Variants in HYCC1 observed in about 807,000 individuals in gnomAD.
HYCC1 encodes hyccin PI4KA lipid kinase complex subunit 1, also known as hyccin.
chr7:23,002,557 T>C, the HYCC1 span, among the ~76,000 whole-genome samples: 4 of 152,096 alleles, frequency 2.6e-5, no homozygotes, highest in African/African-American at 4.8e-5. Flanking sequence ...ATTGGCTGTA[T>C]TGGGAAAGGT....
the HYCC1 span, chr7:22,935,156 T>C: frequency 1.3e-5 from 2 of 152,258 alleles, no homozygotes; most frequent in Admixed American, 6.5e-5. Flanking sequence ...AAACAGAGGT[T>C]TTAAGCAATT....
At chr7:22,966,290 G>A in the HYCC1 span, among the ~76,000 whole-genome samples, 13 of 151,864 alleles carry the variant, frequency 8.6e-5, no homozygotes, top group Admixed American at 2.6e-4. Flanking sequence ...TTGTTTGTTT[G>A]TTTTTTGTTT....
the HYCC1 span, among the ~76,000 whole-genome samples, chr7:23,000,878 T>A: frequency 6.6e-6 from 1 of 151,756 alleles, no homozygotes; most frequent in South Asian, 2.1e-4. Flanking sequence ...AAAAAGGCTT[T>A]CCTTGTGAAA....
At chr7:23,002,166 A>ACAAT in the HYCC1 span, among the ~76,000 whole-genome samples, 1 of 81,154 alleles carries the variant, frequency 1.2e-5, no homozygotes, top group African/African-American at 5.0e-5. Flanking sequence ...ATATATATAT[A>ACAAT]TATATATATA....
chr7:22,960,432 T>TC, the HYCC1 span: 2 of 1,602,832 alleles, frequency 1.2e-6, no homozygotes, highest in Non-Finnish European at 1.7e-6. Context: ...AGAAAAAATA[T>TC]AGTTTAAGAT....
At chr7:22,976,953 G>A in the HYCC1 span, 12 of 624,516 alleles carry the variant, frequency 1.9e-5, no homozygotes, top group East Asian at 5.5e-5. Context: ...TTTTCTGCTC[G>A]AAGATTTAAT....
chr7:23,010,403 A>T, the HYCC1 span, among the ~76,000 whole-genome samples: 1 of 151,992 alleles, frequency 6.6e-6, no homozygotes. Flanking sequence ...AAACAATATC[A>T]CTCTGCAATG....
At chr7:22,940,621 A>T in the HYCC1 span, 1 of 152,132 alleles carries the variant, frequency 6.6e-6, no homozygotes, top group Non-Finnish European at 1.5e-5. Context: ...CCTAAAGCCA[A>T]CAAACAAAAT....
At chr7:22,980,048 A>G in the HYCC1 span, among the ~76,000 whole-genome samples, 1 of 152,302 alleles carries the variant, frequency 6.6e-6, no homozygotes, top group African/African-American at 2.4e-5. Flanking sequence ...TAAGACAAAG[A>G]GGCTATCCAC....
chr7:22,982,648 C>T, the HYCC1 span, among the ~76,000 whole-genome samples: 4 of 152,152 alleles, frequency 2.6e-5, no homozygotes, highest in African/African-American at 7.2e-5. Flanking sequence ...CTCCTCCTGA[C>T]GCTGCCCAAG....
chr7:22,913,816 G>A, the HYCC1 span, among the ~76,000 whole-genome samples: 5 of 152,088 alleles, frequency 3.3e-5, no homozygotes, highest in Admixed American at 6.5e-5. Flanking sequence ...ATCTTCACAC[G>A]GACACGTGTG....
the HYCC1 span, among the ~76,000 whole-genome samples, chr7:22,962,879 G>GAGGC: frequency 6.6e-6 from 1 of 151,890 alleles, no homozygotes; most frequent in African/African-American, 2.4e-5. Flanking sequence ...ATCTGCAGTG[G>GAGGC]AGGCATACAG....
the HYCC1 span, among the ~76,000 whole-genome samples, chr7:23,005,446 T>C: frequency 6.6e-6 from 1 of 152,198 alleles, no homozygotes; most frequent in Non-Finnish European, 1.5e-5. Flanking sequence ...ATTGAGAATG[T>C]ATTTTATGAT....
the HYCC1 span, among the ~76,000 whole-genome samples, chr7:22,921,972 A>T: frequency 1.3e-5 from 2 of 152,178 alleles, no homozygotes; most frequent in Admixed American, 6.5e-5. Context: ...GAAAAACTCA[A>T]AAGCCTACAG....
chr7:22,990,638 G>A, the HYCC1 span, among the ~76,000 whole-genome samples: 1 of 152,302 alleles, frequency 6.6e-6, no homozygotes, highest in Non-Finnish European at 1.5e-5. Flanking sequence ...TAGCCACTGG[G>A]TTAGCCAACT....
At chr7:22,968,287 A>G in the HYCC1 span, among the ~76,000 whole-genome samples, 8 of 152,278 alleles carry the variant, frequency 5.3e-5, no homozygotes, top group South Asian at 1.7e-3. Context: ...ATACCCCTAA[A>G]AAGCAGCTAC....
chr7:22,986,932 AAGG>A, the HYCC1 span, among the ~76,000 whole-genome samples: 1 of 152,210 alleles, frequency 6.6e-6, no homozygotes, highest in South Asian at 2.1e-4. Flanking sequence ...TCAAAAATGT[AAGG>A]AGGTGATAGG....
At chr7:22,993,595 T>C in the HYCC1 span, among the ~76,000 whole-genome samples, 1 of 152,074 alleles carries the variant, frequency 6.6e-6, no homozygotes, top group Non-Finnish European at 1.5e-5. Context: ...CATCACTTAC[T>C]CAAATGGAAA....
chr7:22,976,011 C>T, the HYCC1 span, among the ~76,000 whole-genome samples: 2 of 152,190 alleles, frequency 1.3e-5, no homozygotes, highest in African/African-American at 4.8e-5. Context: ...TGAGCTATCG[C>T]ATCCGGCCCT....
Sources: allele counts gnomAD v4.1 joint callset (sites outside exome capture counted in the v4.1 genomes callset), GRCh38; gene constraint gnomAD v4.1.1; transcripts MANE v1.5; gene names NCBI Gene and HGNC (gene_info 2026-07-23, HGNC 2026-07-21).